Variants in ZNF431 observed in about 807,000 individuals in gnomAD.
The protein encoded by ZNF431 is zinc finger protein 431.
In ZNF431, 34 loss-of-function variants were observed where a neutral mutation model predicts 57.0. The observed-to-expected ratio is 0.60, with a 90% CI of 0.45 to 0.79. The LOEUF (loss-of-function observed/expected upper bound fraction) is 0.79, where lower values mean the gene tolerates loss of function less well. Among genes scored for constraint, ZNF431 ranks in the 30% least tolerant of loss-of-function variants. The pLI is 0.00. For synonymous variants in ZNF431, 207 were observed against 220.3 expected (o/e 0.94, Z 0.54); for missense variants, 607 against 667.1 (o/e 0.91, Z 0.99).
intron 4 of ZNF431, among the ~76,000 whole-genome samples, chr19:21,174,118 T>A (rs1254486187): frequency 6.6e-6 from 1 of 152,038 alleles, no homozygotes; most frequent in Admixed American, 6.6e-5. Context: ...TCTTCCACCA[T>A]GATTGTAAGT....
chr19:21,175,533 C>G, intron 4 of ZNF431: 1 of 660,838 alleles, frequency 1.5e-6, no homozygotes. Context: ...AACCTCTCAC[C>G]TCGGTGATAA....
At position 21,192,463 on chromosome 19, in the gene ZNF431, GCCTGTTTATAAT is replaced by G. The variant is rs1971529041; in HGVS notation, c.*8430_*8441del. 1.3e-5 allele frequency: 2 copies of G among 152,144 alleles called. No homozygotes were observed. Among genetic ancestry groups the G allele is most frequent in the South Asian group, 4.1e-4 (2 of 4,828 alleles). The allele number at this position is 152,144 out of a possible 1,614,324, so 9.4% of individuals were successfully genotyped here. A position where few individuals can be genotyped will look rare whatever the true frequency, so the allele number is the denominator to read the frequency against. On this transcript the variant is annotated 3_prime_UTR_variant, in exon 5 of 5. Coordinates refer to ENST00000311048, the MANE Select transcript of ZNF431 (RefSeq NM_133473.4). ...TTACAGGCAGGAGTCACTGCACCTT[GCCTGTTTATAAT>G]TTTTAAGATTTACTAAGGTCTTAGG...
At chr19:21,162,673 T>C (rs1970609777) in intron 2 of ZNF431, 3 of 979,952 alleles carry the variant, frequency 3.1e-6, no homozygotes, top group Non-Finnish European at 3.6e-6. Flanking sequence ...ACAAAGCTGA[T>C]TTAAAAAGAT....
In ZNF431 at chr19:21,173,477, A is replaced by T. The variant is rs139191057; in HGVS notation, c.319+5811A>T. ...AAAAACATGTAGTATATTTTTAAAC[A>T]TATAGTATAGTGGCCATTGTAATGA... On this transcript the variant is annotated intron_variant, in intron 4 of 4. Coordinates refer to ENST00000311048, the MANE Select transcript of ZNF431 (RefSeq NM_133473.4). Among the ~76,000 whole-genome samples, 964 of 152,288 alleles carry T rather than the reference A, an allele frequency of 6.3e-3. 11 individuals are homozygous for T. The highest frequency in any genetic ancestry group is 0.02 in the South Asian group (96 of 4,818).
Position 21,185,086 on chromosome 19 carries a change from A to C in ZNF431, c.*1052A>C, listed in dbSNP as rs918972309. On this transcript the variant is annotated 3_prime_UTR_variant, in exon 5 of 5. Coordinates refer to ENST00000311048, the MANE Select transcript of ZNF431 (RefSeq NM_133473.4). ...TTATACTAGAATATATTTTTTCCAG[A>C]TGCAGTAAAAGTAAAATATTTAATC... 2.6e-5 allele frequency: 4 copies of C among 152,200 alleles called. No homozygotes were observed. The highest frequency in any genetic ancestry group is 4.8e-5 in the African/African-American group (2 of 41,462). The allele number at this position is 152,200 out of a possible 1,614,324, so 9.4% of individuals were successfully genotyped here. A position where few individuals can be genotyped will look rare whatever the true frequency, so the allele number is the denominator to read the frequency against.
rs1971502542 is a variant in ZNF431 at position 21,191,164 on chromosome 19, A to G, written c.*7130A>G. 6.6e-6 allele frequency: 1 copy of G among 152,102 alleles called. No homozygotes were observed. The highest frequency in any genetic ancestry group is 2.1e-4 in the South Asian group (1 of 4,826). 9.4% of individuals were successfully genotyped at this position (152,102 alleles called of 1,614,324 possible). A position where few individuals can be genotyped will look rare whatever the true frequency, so the allele number is the denominator to read the frequency against. ...TCCTGGGATGTTTAGGTTAAATCAA[A>G]AAACTTGCGGCCAGGCGCAGTGGCT... On this transcript the variant is annotated 3_prime_UTR_variant, in exon 5 of 5. Coordinates refer to ENST00000311048, the MANE Select transcript of ZNF431 (RefSeq NM_133473.4).
chr19:21,149,037 A>C (rs1970190615), intron 2 of ZNF431, among the ~76,000 whole-genome samples: 1 of 152,242 alleles, frequency 6.6e-6, no homozygotes, highest in Admixed American at 6.5e-5. Flanking sequence ...TATACAGACC[A>C]TCTACAATAT....
chr19:21,178,631 C>T (rs902394185), intron 4 of ZNF431, among the ~76,000 whole-genome samples: 1 of 152,040 alleles, frequency 6.6e-6, no homozygotes, highest in Non-Finnish European at 1.5e-5. Flanking sequence ...ACCAGCCTTC[C>T]ATCCCGGGAA....
At position 21,177,878 on chromosome 19, in the gene ZNF431, T is replaced by A. The variant is rs542988492; in HGVS notation, c.320-4745T>A. ...TTTTTTTTTCTAATTCTGTGAAGAA[T>A]GTTAGTGGTAGTTTAGTCAGAATAG... On this transcript the variant is annotated intron_variant, in intron 4 of 4. Coordinates refer to ENST00000311048, the MANE Select transcript of ZNF431 (RefSeq NM_133473.4). Among the ~76,000 whole-genome samples the A allele has an allele frequency of 2.0e-5, 3 of 152,184 alleles. No individual in the cohort carries two copies. The East Asian group carries it at 5.8e-4, about 29-fold the overall frequency.
chr19:21,149,143 T>C (rs567636666), intron 2 of ZNF431, among the ~76,000 whole-genome samples: 8 of 152,234 alleles, frequency 5.3e-5, no homozygotes, highest in Non-Finnish European at 1.0e-4. Flanking sequence ...TCTTTTCTTA[T>C]ATAAAGTCTC....
rs529873626 is a variant in ZNF431 at position 21,165,604 on chromosome 19, C to T, written c.97-731C>T. On this transcript the variant is annotated intron_variant, in intron 2 of 4. Transcript: ENST00000311048. ...GTTAAAGAGCTCTGTGACTTTTTTT[C>T]ACTATAGAGTTAATTATTTTTATCT... Among the ~76,000 whole-genome samples, 5 of 152,178 alleles carry T rather than the reference C, an allele frequency of 3.3e-5. No homozygotes were observed. In the South Asian group the frequency reaches 1.0e-3, roughly 32 times the overall value.
At chr19:21,169,843 G>A (rs1365524804) in intron 4 of ZNF431, 6 of 398,428 alleles carry the variant, frequency 1.5e-5, no homozygotes, top group Non-Finnish European at 2.7e-5. Context: ...AGCTGGAACT[G>A]AGTCAATAAA....
Position 21,193,819 on chromosome 19 carries a change from A to G in ZNF431, c.*9785A>G, listed in dbSNP as rs1971553268. ...TTAACACAATAGATGCAGAAAAAGC[A>G]TTCAAGAAAATCCAGTATTCATTTA... On this transcript the variant is annotated 3_prime_UTR_variant, in exon 5 of 5. Transcript: ENST00000311048. 6.6e-6 allele frequency: 1 copy of G among 152,218 alleles called. No homozygotes were observed. Among genetic ancestry groups the G allele is most frequent in the Non-Finnish European group, 1.5e-5 (1 of 68,040 alleles). The allele number at this position is 152,218 out of a possible 1,614,324, so 9.4% of individuals were successfully genotyped here.
chr19:21,194,950 CTA>C lies in ZNF431; in HGVS notation c.*10918_*10919del, dbSNP rs1971578116. ...AAGCAGAGTTATCAGGGAGGTGGGA[CTA>C]TTGCTTTATGAACGTGATGATTGGA... On this transcript the variant is annotated 3_prime_UTR_variant, in exon 5 of 5. Transcript: ENST00000311048. 6.6e-6 allele frequency: 1 copy of C among 152,164 alleles called. No homozygotes were observed. The allele number at this position is 152,164 out of a possible 1,614,324, so 9.4% of individuals were successfully genotyped here.
At position 21,193,098 on chromosome 19, in the gene ZNF431, A is replaced by G. The variant is rs1167035459; in HGVS notation, c.*9064A>G. 6.6e-6 allele frequency: 1 copy of G among 152,220 alleles called. No individual in the cohort carries two copies. Among genetic ancestry groups the G allele is most frequent in the Non-Finnish European group, 1.5e-5 (1 of 68,048 alleles). 9.4% of individuals were successfully genotyped at this position (152,220 alleles called of 1,614,324 possible). On this transcript the variant is annotated 3_prime_UTR_variant, in exon 5 of 5. Transcript: ENST00000311048. Reference sequence around the variant, plus strand: ...TAATAATTTAAAAAACCTACCAACTATAAGGAGCCCTGGATTATATAAAAT... The same window carrying G: ...TAATAATTTAAAAAACCTACCAACTGTAAGGAGCCCTGGATTATATAAAAT...
rs16997503 is a variant in ZNF431 at position 21,187,827 on chromosome 19, T to C, written c.*3793T>C. On this transcript the variant is annotated 3_prime_UTR_variant, in exon 5 of 5. Transcript: ENST00000311048. Reference sequence around the variant, plus strand: ...TATGTATGCATCACAGCTATTCTTTTTCTGAGTTATAGCTACAGTTTTCTT... The same window carrying C: ...TATGTATGCATCACAGCTATTCTTTCTCTGAGTTATAGCTACAGTTTTCTT... 0.17 allele frequency: 26,236 copies of C among 152,232 alleles called. 2,652 individuals carry two copies. The highest frequency in any genetic ancestry group is 0.28 in the African/African-American group (11,609 of 41,526). 9.4% of individuals were successfully genotyped at this position (152,232 alleles called of 1,614,324 possible).
rs1314999255 is a variant in ZNF431, at chr19:21,186,975, C to T, written c.*2941C>T. ...GTTCAGCTAAGTACTAGGGAGGCTT[C>T]ATTAGTCATGAGGATGTTTTTATAT... is the stretch of plus-strand genomic sequence containing the variant. On this transcript the variant is annotated 3_prime_UTR_variant, in exon 5 of 5. Coordinates refer to ENST00000311048, the MANE Select transcript of ZNF431 (RefSeq NM_133473.4). 1 of 152,080 alleles carries T rather than the reference C, an allele frequency of 6.6e-6. No homozygotes were observed. Among genetic ancestry groups the T allele is most frequent in the South Asian group, 2.1e-4 (1 of 4,828 alleles). 9.4% of individuals were successfully genotyped at this position (152,080 alleles called of 1,614,324 possible).
chr19:21,176,212 A>G (rs1971047694), intron 4 of ZNF431, among the ~76,000 whole-genome samples: 1 of 150,248 alleles, frequency 6.7e-6, no homozygotes, highest in African/African-American at 2.4e-5. Flanking sequence ...TTCTTTTGAG[A>G]AGTGTTTCTT....
intron 4 of ZNF431, among the ~76,000 whole-genome samples, chr19:21,172,981 T>C (rs1350341968): frequency 6.6e-6 from 1 of 152,228 alleles, no homozygotes; most frequent in African/African-American, 2.4e-5. Flanking sequence ...GTGTGACTAC[T>C]TAAGCTATCT....
Sources: gnomAD v4.1 joint callset for allele counts (sites outside exome capture counted in the v4.1 genomes callset) on GRCh38, gnomAD v4.1.1 for gene constraint, MANE v1.5 for transcripts, NCBI Gene and HGNC (gene_info 2026-07-23, HGNC 2026-07-21) for gene names.